Variants in TTC6 observed in about 807,000 individuals in gnomAD.
TTC6 encodes the protein tetratricopeptide repeat domain 6.
Under a neutral mutation model 210.4 loss-of-function variants are expected in TTC6, and 172 were observed. The observed-to-expected ratio is 0.82, with a 90% confidence interval of 0.72 to 0.93. The LOEUF (loss-of-function observed/expected upper bound fraction) is 0.93. Ranked by LOEUF, TTC6 falls within the 40% of genes least tolerant of loss-of-function variation. The pLI, the probability that TTC6 is intolerant of heterozygous loss-of-function variation, is 0.00. For missense variants in TTC6, 2,414 were observed against 2,318.1 expected (o/e 1.04, Z -0.85); for synonymous variants, 804 against 819.6 (o/e 0.98, Z 0.32).
intron 1 of TTC6, among the ~76,000 whole-genome samples, chr14:37,660,361 T>C (rs1056210064): frequency 5.9e-5 from 9 of 152,150 alleles, no homozygotes; most frequent in Non-Finnish European, 1.2e-4. Flanking sequence ...GCATTAGTTA[T>C]TTTTCCTAAT....
At chr14:37,612,723 C>G (rs1179705054) in intron 2 of TTC6, among the ~76,000 whole-genome samples, 22 of 151,978 alleles carry the variant, frequency 1.4e-4, no homozygotes, top group Admixed American at 1.4e-3. Flanking sequence ...AGATTAATTC[C>G]TAAATTTTAT....
chr14:37,772,169 C>G (rs1255555278), intron 14 of TTC6, among the ~76,000 whole-genome samples: 3 of 152,204 alleles, frequency 2.0e-5, no homozygotes, highest in African/African-American at 7.2e-5. Context: ...GTTCTCAGAT[C>G]TCCAGCTGCG....
chr14:37,787,764 T>G, intron 15 of TTC6, 127 bp downstream of exon 17: 1 of 617,304 alleles, frequency 1.6e-6, no homozygotes, highest in Non-Finnish European at 2.4e-6. Context: ...TAATATACAT[T>G]ATAAGTATAT....
At chr14:37,749,109 A>T (rs758262904) in exon 11 of TTC6, 20 of 1,535,630 alleles carry the variant, frequency 1.3e-5, no homozygotes, top group Middle Eastern at 1.7e-4. Flanking sequence ...TGGGCTCTTG[A>T]TAGGCTCATT....
chr14:37,751,310 G>A lies in TTC6; in HGVS notation c.3129+85G>A, dbSNP rs147129078. 7.7e-4 allele frequency: 755 copies of A among 983,784 alleles called. 5 individuals are homozygous for A. The African/African-American group carries it at 0.011, about 14-fold the overall frequency. The allele number at this position is 983,784 out of a possible 1,614,324, so 60.9% of individuals were successfully genotyped here. The stretch of plus-strand genomic sequence containing the variant: ...CAAATAGTACAGCAAGTTTTTGAAG[G>A]TCTTTTTGTATATATTATATAATCA... On this transcript the variant is annotated intron_variant, in intron 13 of 30. Coordinates refer to ENST00000553443, the Ensembl canonical transcript of TTC6.
chr14:37,714,607 T>G, intron 5 of TTC6, 48 bp from the exon 8 acceptor site: 1 of 1,487,764 alleles, frequency 6.7e-7, no homozygotes, highest in Non-Finnish European at 9.0e-7. Flanking sequence ...CACCTTATAC[T>G]TTGTCAATTA....
At chr14:37,840,655 A>G (rs1166307915) in intron 29 of TTC6, among the ~76,000 whole-genome samples, 1 of 152,228 alleles carries the variant, frequency 6.6e-6, no homozygotes. Context: ...CACATGATCA[A>G]GTTGGCTTCA....
chr14:37,603,748 G>A (rs1323433199), intron 1 of TTC6, among the ~76,000 whole-genome samples: 1 of 152,168 alleles, frequency 6.6e-6, no homozygotes, highest in Non-Finnish European at 1.5e-5. Context: ...TTGTGTCTGA[G>A]GCTGAAGATC....
At chr14:37,640,114 G>A (rs941995390) in intron 1 of TTC6, among the ~76,000 whole-genome samples, 2 of 151,878 alleles carry the variant, frequency 1.3e-5, no homozygotes, top group Non-Finnish European at 2.9e-5. Flanking sequence ...GGATACAGGT[G>A]CAGCTTATTT....
rs551693385 is a variant in TTC6, at chr14:37,768,756, A to G, written c.3266+15521A>G. 7.9e-5 allele frequency among the ~76,000 whole-genome samples: 12 copies of G among 152,274 alleles called. No homozygotes were observed. In the South Asian group the frequency reaches 2.1e-3, roughly 26 times the overall value. On this transcript the variant is annotated intron_variant, in intron 14 of 30. Coordinates refer to ENST00000553443, the Ensembl canonical transcript of TTC6. ...ATCATGTCGTCTGCAAAGAAGGACAATTTGACTTCCTCTTTTCCTAATTGA... is the reference window on the plus strand; with the variant it reads ...ATCATGTCGTCTGCAAAGAAGGACAGTTTGACTTCCTCTTTTCCTAATTGA...
intron 1 of TTC6, among the ~76,000 whole-genome samples, chr14:37,656,405 G>T (rs1157487193): frequency 6.6e-6 from 1 of 152,126 alleles, no homozygotes; most frequent in Non-Finnish European, 1.5e-5. Flanking sequence ...TAAAGTCCCT[G>T]TTTTATCATC....
chr14:37,813,990 T>C (rs985453014), intron 25 of TTC6, among the ~76,000 whole-genome samples: 8 of 152,234 alleles, frequency 5.3e-5, no homozygotes, highest in Non-Finnish European at 1.0e-4. Flanking sequence ...GCTTTCCAAC[T>C]GGCTTAAGGT....
rs2096081877 is a variant in TTC6, at chr14:37,792,347, CT to C, written c.3642del (p.Glu1215ArgfsTer26). The C allele has an allele frequency of 1.3e-6, 2 of 1,533,126 alleles. No individual in the cohort carries two copies. The highest frequency in any genetic ancestry group is 4.9e-5 in the East Asian group (2 of 40,734). The allele number at this position is 1,533,126 out of a possible 1,614,324, so 95.0% of individuals were successfully genotyped here. ...TACACGGAAGCTATTTGGCAATTTT[CT>C]GAGGCTATTAGAATTGATCCTTTAT... On this transcript the variant is annotated frameshift_variant, in exon 17 of 31. Transcript: ENST00000553443. LOFTEE classifies it high-confidence loss of function.
intron 14 of TTC6, among the ~76,000 whole-genome samples, chr14:37,772,952 G>A (rs988357555): frequency 1.3e-5 from 2 of 152,116 alleles, no homozygotes; most frequent in African/African-American, 4.8e-5. Context: ...TCTGACTGGT[G>A]TGAAATGGTA....
chr14:37,780,831 A>G (rs1447389348), intron 14 of TTC6, among the ~76,000 whole-genome samples: 9 of 151,826 alleles, frequency 5.9e-5, no homozygotes, highest in Non-Finnish European at 1.2e-4. Flanking sequence ...CCCTGTGTCT[A>G]TGTGTTCTCG....
intron 29 of TTC6, among the ~76,000 whole-genome samples, chr14:37,834,321 T>C (rs1465488659): frequency 6.6e-6 from 1 of 152,186 alleles, no homozygotes; most frequent in Non-Finnish European, 1.5e-5. Context: ...ATTGAATATT[T>C]GTTCACTTGA....
chr14:37,705,936 A>G lies in TTC6; in HGVS notation c.1571+4410A>G, dbSNP rs147153014. Among the ~76,000 whole-genome samples the G allele has an allele frequency of 2.7e-3, 413 of 152,234 alleles. 2 individuals carry two copies. Among genetic ancestry groups the G allele is most frequent in the African/African-American group, 9.5e-3 (396 of 41,554 alleles). On this transcript the variant is annotated intron_variant, in intron 5 of 30. Coordinates refer to ENST00000553443, the Ensembl canonical transcript of TTC6. ...TCCGCAGACTAGCGGCATCACCATC[A>G]CCTGGGAACTTGTTAGAAATGCAGG...
intron 26 of TTC6, among the ~76,000 whole-genome samples, chr14:37,820,452 G>A (rs557062667): frequency 2.0e-5 from 3 of 152,276 alleles, no homozygotes; most frequent in South Asian, 2.1e-4. Context: ...CTTATATGAC[G>A]TGGTGAGCTT....
chr14:37,766,034 A>G (rs972176123), intron 14 of TTC6, among the ~76,000 whole-genome samples: 1 of 152,054 alleles, frequency 6.6e-6, no homozygotes, highest in African/African-American at 2.4e-5. Flanking sequence ...ATGTGTCTCT[A>G]TGTGAAACTC....
Sources: gnomAD v4.1 joint callset for allele counts (sites outside exome capture counted in the v4.1 genomes callset) on GRCh38, gnomAD v4.1.1 for gene constraint, MANE v1.5 for transcripts, NCBI Gene and HGNC (gene_info 2026-07-23, HGNC 2026-07-21) for gene names.